Variants in PRKN observed in about 807,000 individuals in gnomAD.
PRKN encodes E3 ubiquitin-protein ligase parkin.
PRKN carries 56 observed loss-of-function variants against 59.5 expected under a neutral mutation model. That is an observed-to-expected ratio of 0.94 (90% CI 0.76 to 1.18). The LOEUF (loss-of-function observed/expected upper bound fraction) is 1.18. PRKN is among the 50% of genes most tolerant of loss of function. The probability of loss-of-function intolerance (pLI) is 0.00; values close to 1 mark genes in which losing one functional copy is unlikely to be tolerated. For missense variants in PRKN, 657 were observed against 596.4 expected (o/e 1.10, Z -1.06); for synonymous variants, 250 against 222.1 (o/e 1.13, Z -1.12).
chr6:161,712,560 C>A (rs2128182819), intron 7 of PRKN, among the ~76,000 whole-genome samples: 1 of 152,266 alleles, frequency 6.6e-6, no homozygotes, highest in Middle Eastern at 3.4e-3. Context: ...TTCCATTTTT[C>A]AATAGCACTA....
rs185896201 is a variant in PRKN at position 162,369,681 on chromosome 6, C to T, written c.171+73629G>A. ...ATGTATTTCAGCTCTTCATCCTCCCCAGGGCAGAGATCACTGGCAGAAATT... is the reference window on the plus strand; with the variant it reads ...ATGTATTTCAGCTCTTCATCCTCCCTAGGGCAGAGATCACTGGCAGAAATT... On this transcript the variant is annotated intron_variant, in intron 2 of 11. Coordinates refer to ENST00000366898, the MANE Select transcript of PRKN (RefSeq NM_004562.3). Among the ~76,000 whole-genome samples the T allele has an allele frequency of 1.6e-4, 25 of 152,316 alleles. No homozygotes were observed. The East Asian group carries it at 4.4e-3, about 27-fold the overall frequency.
In PRKN at chr6:161,388,804, C is replaced by T. The variant is rs750725156; in HGVS notation, c.1084-1927G>A. ...CATGGAGAAGAGCTGCGGCCTCAGCCGCAACAATAGCCCTGTCTGAGCTTT... is the reference window on the plus strand; with the variant it reads ...CATGGAGAAGAGCTGCGGCCTCAGCTGCAACAATAGCCCTGTCTGAGCTTT... On this transcript the variant is annotated intron_variant, in intron 9 of 11. Transcript: ENST00000366898. The surrounding 1 kb of genome is among the most constrained non-coding windows in gnomAD (Gnocchi z 4.3). 2.1e-4 allele frequency among the ~76,000 whole-genome samples: 32 copies of T among 152,194 alleles called. No homozygotes were observed. The highest frequency in any genetic ancestry group is 7.2e-4 in the Admixed American group (11 of 15,278).
intron 4 of PRKN, among the ~76,000 whole-genome samples, chr6:162,099,588 T>C (rs1354408191): frequency 6.6e-6 from 1 of 152,192 alleles, no homozygotes; most frequent in African/African-American, 2.4e-5. Flanking sequence ...GTATAATACA[T>C]GTATGTCTTT....
chr6:161,877,608 C>T (rs113299911), intron 6 of PRKN, among the ~76,000 whole-genome samples: 69 of 151,746 alleles, frequency 4.5e-4, no homozygotes, highest in Middle Eastern at 3.4e-3. Flanking sequence ...TACAGGTGCC[C>T]GCCACCAAGC....
intron 1 of PRKN, among the ~76,000 whole-genome samples, chr6:162,653,495 C>T (rs1021776880): frequency 1.1e-4 from 17 of 151,988 alleles, no homozygotes; most frequent in Admixed American, 4.6e-4. Flanking sequence ...CTGGAATTAG[C>T]GTTACCTTTT....
chr6:161,402,293 T>C lies in PRKN; in HGVS notation c.1084-15416A>G, dbSNP rs1198964218. ...AATTATAAAATAAAACCCAGACTTA[T>C]AAGACTCTTCCCCTGCCTAAGTTTT... On this transcript the variant is annotated intron_variant, in intron 9 of 11. Coordinates refer to ENST00000366898, the MANE Select transcript of PRKN (RefSeq NM_004562.3). This position sits in a 1 kb window ranked among gnomAD's most constrained non-coding sequence, Gnocchi z 4.5. Among the ~76,000 whole-genome samples the C allele has an allele frequency of 3.9e-5, 6 of 152,194 alleles. 1 individual carries two copies. The highest frequency in any genetic ancestry group is 1.4e-4 in the African/African-American group (6 of 41,440).
intron 7 of PRKN, among the ~76,000 whole-genome samples, chr6:161,590,605 C>T (rs745884587): frequency 3.9e-5 from 6 of 152,064 alleles, no homozygotes; most frequent in Non-Finnish European, 7.4e-5. Context: ...TGGTGGCACA[C>T]GCCTGTAATC....
At chr6:162,049,736 A>G (rs1279561547) in intron 5 of PRKN, among the ~76,000 whole-genome samples, 2 of 152,164 alleles carry the variant, frequency 1.3e-5, no homozygotes, top group African/African-American at 4.8e-5. Flanking sequence ...TCCACGTGTA[A>G]CAGATTTTTA....
intron 9 of PRKN, among the ~76,000 whole-genome samples, chr6:161,435,028 T>C (rs1354385825): frequency 6.6e-6 from 1 of 152,156 alleles, no homozygotes; most frequent in African/African-American, 2.4e-5. Flanking sequence ...CTTGTGCTCA[T>C]GACAAAGAAA....
rs1778699062 is a variant in PRKN at position 161,518,506 on chromosome 6, A to C, written c.1083+30348T>G. Among the ~76,000 whole-genome samples the C allele has an allele frequency of 6.6e-6, 1 of 152,198 alleles. No homozygotes were observed. The highest frequency in any genetic ancestry group is 1.5e-5 in the Non-Finnish European group (1 of 68,018). ...CACTGGGCGCTGCCCCTGGCTGTGCAATCCCAGGGCTCTGGGTGAGAGCTG... is the reference window on the plus strand; with the variant it reads ...CACTGGGCGCTGCCCCTGGCTGTGCCATCCCAGGGCTCTGGGTGAGAGCTG... On this transcript the variant is annotated intron_variant, in intron 9 of 11. Transcript: ENST00000366898. The surrounding 1 kb of genome is among the most constrained non-coding windows in gnomAD (Gnocchi z 5.0).
chr6:162,009,369 C>A (rs1782390339), intron 5 of PRKN, among the ~76,000 whole-genome samples: 1 of 115,622 alleles, frequency 8.6e-6, no homozygotes, highest in African/African-American at 3.2e-5. Context: ...AATGAATTCC[C>A]AGAACACTGT....
At chr6:162,241,463 A>C (rs907183513) in intron 3 of PRKN, among the ~76,000 whole-genome samples, 2 of 152,072 alleles carry the variant, frequency 1.3e-5, no homozygotes, top group African/African-American at 4.8e-5. Flanking sequence ...CATTTTATGG[A>C]GATAAATGAA....
At chr6:162,081,868 C>A (rs138171665) in intron 4 of PRKN, among the ~76,000 whole-genome samples, 1 of 152,062 alleles carries the variant, frequency 6.6e-6, no homozygotes, top group Non-Finnish European at 1.5e-5. Flanking sequence ...CATCATTGAC[C>A]GTAGCTAGGT....
chr6:162,473,475 C>T (rs1791858849), intron 1 of PRKN, among the ~76,000 whole-genome samples: 2 of 152,100 alleles, frequency 1.3e-5, no homozygotes, highest in East Asian at 1.9e-4. Flanking sequence ...TAGAACAGTG[C>T]TGCCCAATAG....
At chr6:161,981,361 T>A (rs949451884) in intron 5 of PRKN, among the ~76,000 whole-genome samples, 3 of 152,150 alleles carry the variant, frequency 2.0e-5, no homozygotes, top group African/African-American at 7.2e-5. Flanking sequence ...TTAATCTTAA[T>A]AATAAAGTTT....
chr6:162,420,819 T>C (rs1788922422), intron 2 of PRKN, among the ~76,000 whole-genome samples: 1 of 152,204 alleles, frequency 6.6e-6, no homozygotes, highest in Admixed American at 6.5e-5. Context: ...ACGGCTTACC[T>C]CTTTTGTAGA....
chr6:161,463,397 G>C lies in PRKN; in HGVS notation c.1084-76520C>G, dbSNP rs111395815. Reference sequence around the variant, plus strand: ...GAATCATGTTTTCCAGAGGTCAACTGAGTCTAAGAAGACATTAAAAATCCT... The same window carrying C: ...GAATCATGTTTTCCAGAGGTCAACTCAGTCTAAGAAGACATTAAAAATCCT... On this transcript the variant is annotated intron_variant, in intron 9 of 11. Transcript: ENST00000366898. The surrounding 1 kb of genome is among the most constrained non-coding windows in gnomAD (Gnocchi z 4.8). Among the ~76,000 whole-genome samples the C allele has an allele frequency of 6.6e-6, 1 of 152,196 alleles. No homozygotes were observed. Among genetic ancestry groups the C allele is most frequent in the African/African-American group, 2.4e-5 (1 of 41,452 alleles).
At chr6:162,388,338 T>C (rs895101287) in intron 2 of PRKN, among the ~76,000 whole-genome samples, 3 of 152,182 alleles carry the variant, frequency 2.0e-5, no homozygotes, top group African/African-American at 7.2e-5. Flanking sequence ...TCATCTTTCA[T>C]TTCTATCAAG....
At chr6:161,930,174 G>T (rs1045469178) in intron 6 of PRKN, among the ~76,000 whole-genome samples, 2 of 152,164 alleles carry the variant, frequency 1.3e-5, no homozygotes, top group Admixed American at 1.3e-4. Context: ...TGACATCTTG[G>T]TGTCTGTTTA....
Sources: gnomAD v4.1 joint callset for allele counts (sites outside exome capture counted in the v4.1 genomes callset) on GRCh38, gnomAD v4.1.1 for gene constraint, Gnocchi (gnomAD v3.1) non-coding constraint, MANE v1.5 for transcripts, NCBI Gene and HGNC (gene_info 2026-07-23, HGNC 2026-07-21) for gene names.